The following MRPL33 variants were observed in gnomAD, a reference collection of about 807,000 sequenced individuals.
The protein encoded by MRPL33 is mitochondrial ribosomal protein L33.
In MRPL33, 5 loss-of-function variants were observed where a neutral mutation model predicts 10.1. The observed-to-expected ratio is 0.49, with a 90% CI of 0.26 to 1.04. MRPL33 has a LOEUF of 1.04. MRPL33 is among the 50% of genes least tolerant of loss of function. The pLI is 0.14. For synonymous variants in MRPL33, 24 were observed against 27.7 expected (o/e 0.87, Z 0.42); for missense variants, 79 against 78.1 (o/e 1.01, Z -0.04).
chr2:27,779,469 TA>T lies in MRPL33; in HGVS notation c.186del (p.Arg63AlafsTer14). The T allele has an allele frequency of 6.2e-7, 1 of 1,612,142 alleles. No individual in the cohort carries two copies. The highest frequency in any genetic ancestry group is 8.5e-7 in the Non-Finnish European group (1 of 1,179,482). ...GTCCTCTTCGTGGAAAAGAAAAAAA[TA>T]CGCTCCCTTTAAACGGTGGATTGAA... ...QRVLFVEKKK[I>X]RSL is the part of the protein sequence containing the mutation. On this transcript the variant is annotated frameshift_variant, in exon 4 of 4. Transcript: ENST00000296102. LOFTEE classifies it high-confidence loss of function.
chr2:27,777,267 A>G (rs1482544617), intron 3 of MRPL33, among the ~76,000 whole-genome samples: 1 of 151,402 alleles, frequency 6.6e-6, no homozygotes, highest in East Asian at 1.9e-4. Flanking sequence ...GCCTCTACTA[A>G]TCCTCCTACC....
In MRPL33 at chr2:27,771,856, AG is replaced by A; in HGVS notation, c.22+59del. The A allele has an allele frequency of 1.9e-6, 3 of 1,553,268 alleles. No homozygotes were observed. The South Asian group carries it at 3.4e-5, about 17-fold the overall frequency. On this transcript the variant is annotated intron_variant, in intron 1 of 3. Coordinates refer to ENST00000296102, the MANE Select transcript of MRPL33 (RefSeq NM_004891.4). The stretch of plus-strand genomic sequence containing the variant: ...ACGGCGAGGGTTAGGGGGCCGTGAC[AG>A]GCAGGGCCCCGGAATGATGCGGGGA...
intron 3 of MRPL33, 52 bp downstream of exon 3, chr2:27,774,582 C>A: frequency 7.3e-7 from 1 of 1,363,346 alleles, no homozygotes; most frequent in Non-Finnish European, 1.1e-6. Context: ...CCTTTGTAGG[C>A]TGAACATCTG....
At position 27,774,407 on chromosome 2, in the gene MRPL33, G is replaced by C. The variant is rs200575778; in HGVS notation, c.42-17G>C. The stretch of plus-strand genomic sequence containing the variant: ...ATTTCGTCAGCTCGTACATAACAGC[G>C]TACTTTTTAATCTTAGAAACATTCT... On this transcript the variant is annotated splice_polypyrimidine_tract_variant and intron_variant, in intron 2 of 3. Transcript: ENST00000296102. The C allele has an allele frequency of 6.2e-7, 1 of 1,605,266 alleles. No individual in the cohort carries two copies. The highest frequency in any genetic ancestry group is 2.2e-5 in the East Asian group (1 of 44,788).
chr2:27,772,027 C>A, intron 1 of MRPL33: 3 of 517,794 alleles, frequency 5.8e-6, no homozygotes, highest in South Asian at 5.4e-5. Flanking sequence ...GATTCAATTG[C>A]CGTCCTCACG....
chr2:27,774,333 C>G, intron 2 of MRPL33, 91 bp from the exon 3 acceptor site: 1 of 995,068 alleles, frequency 1.0e-6, no homozygotes, highest in Non-Finnish European at 1.6e-6. Context: ...CTAATATTAC[C>G]CTACAGAGTT....
intron 2 of MRPL33, 133 bp downstream of exon 2, chr2:27,772,825 T>A: frequency 4.4e-6 from 3 of 675,598 alleles, no homozygotes; most frequent in Admixed American, 3.4e-5. Context: ...TGTGGATTAC[T>A]TAGTTGATTA....
chr2:27,777,454 C>T (rs373966483), intron 3 of MRPL33, among the ~76,000 whole-genome samples: 9 of 150,728 alleles, frequency 6.0e-5, no homozygotes, highest in East Asian at 5.9e-4. Context: ...TCACCAATCC[C>T]TCTACTAAAC....
rs1245418779 is a variant in MRPL33 at position 27,774,539 on chromosome 2, T to G, written c.148+9T>G. ...GCATTATGATCCAGTTGGTAAGATC[T>G]GGGGAGGTTAATGCTTCCAAGGCCT... On this transcript the variant is annotated intron_variant, in intron 3 of 3. Transcript: ENST00000296102. 6.2e-7 allele frequency: 1 copy of G among 1,610,840 alleles called. No homozygotes were observed. Among genetic ancestry groups the G allele is most frequent in the Non-Finnish European group, 8.5e-7 (1 of 1,177,126 alleles).
intron 2 of MRPL33, among the ~76,000 whole-genome samples, chr2:27,774,044 G>A (rs960600570): frequency 6.6e-6 from 1 of 152,210 alleles, no homozygotes; most frequent in African/African-American, 2.4e-5. Flanking sequence ...AGAGAGGGCT[G>A]TTCTGAGACA....
chr2:27,771,883 A>G, intron 1 of MRPL33, 84 bp downstream of exon 1: 1 of 1,378,580 alleles, frequency 7.3e-7, no homozygotes, highest in Non-Finnish European at 1.0e-6. Flanking sequence ...GATGCGGGGA[A>G]GGATGTGCGA....
chr2:27,777,254 C>T (rs894184648), intron 3 of MRPL33, among the ~76,000 whole-genome samples: 3 of 152,042 alleles, frequency 2.0e-5, no homozygotes, highest in African/African-American at 7.2e-5. Context: ...TCTGGAACTC[C>T]TGGCCTCTAC....
chr2:27,777,205 G>GT (rs1043538128), intron 3 of MRPL33, among the ~76,000 whole-genome samples: 3 of 151,506 alleles, frequency 2.0e-5, no homozygotes, highest in Admixed American at 1.3e-4. Flanking sequence ...TAGGTTTTTG[G>GT]TTTTTTTTGT....
At position 27,779,476 on chromosome 2, in the gene MRPL33, C is replaced by A. The variant is rs1373499051; in HGVS notation, c.192C>A (p.Ser64=). The A allele has an allele frequency of 1.2e-6, 2 of 1,612,888 alleles. No homozygotes were observed. Among genetic ancestry groups the A allele is most frequent in the Non-Finnish European group, 1.7e-6 (2 of 1,179,664 alleles). The stretch of plus-strand genomic sequence containing the variant: ...TCGTGGAAAAGAAAAAAATACGCTC[C>A]CTTTAAACGGTGGATTGAAAATGAC... The part of the protein sequence containing the change: ...VLFVEKKKIR[S]L Residue 64 remains serine (S), a synonymous_variant, in exon 4 of 4, where the codon TCC becomes TCA. Transcript: ENST00000296102.
At chr2:27,772,028 C>T (rs750183663) in intron 1 of MRPL33, 6 of 515,746 alleles carry the variant, frequency 1.2e-5, no homozygotes, top group African/African-American at 2.0e-5. Flanking sequence ...ATTCAATTGC[C>T]GTCCTCACGG....
intron 2 of MRPL33, 165 bp downstream of exon 2, chr2:27,772,857 C>G: frequency 1.7e-6 from 1 of 602,746 alleles, no homozygotes; most frequent in East Asian, 3.0e-5. Context: ...TGAACTCTTT[C>G]AAAAATATTT....
In MRPL33 at chr2:27,779,481, A is replaced by G; in HGVS notation, c.197A>G (p.Ter66=). 6.2e-7 allele frequency: 1 copy of G among 1,613,682 alleles called. No individual in the cohort carries two copies. The highest frequency in any genetic ancestry group is 1.3e-5 in the African/African-American group (1 of 75,044). Residue 66 remains the stop codon, a stop_retained_variant, in exon 4 of 4, where the codon TAA becomes TGA. Transcript: ENST00000296102. ...FVEKKKIRSL[*] ...GAAAAGAAAAAAATACGCTCCCTTTAAACGGTGGATTGAAAATGACTTTGA... is the reference window on the plus strand; with the variant it reads ...GAAAAGAAAAAAATACGCTCCCTTTGAACGGTGGATTGAAAATGACTTTGA...
chr2:27,774,780 T>C (rs865966160), intron 3 of MRPL33, among the ~76,000 whole-genome samples: 2 of 152,186 alleles, frequency 1.3e-5, no homozygotes, highest in Admixed American at 6.5e-5. Context: ...TTATAAGTGC[T>C]GTGAGAGAAA....
At chr2:27,773,683 A>G (rs569439556) in intron 2 of MRPL33, among the ~76,000 whole-genome samples, 8 of 152,190 alleles carry the variant, frequency 5.3e-5, no homozygotes, top group Non-Finnish European at 1.2e-4. Context: ...TGTGTTGAAT[A>G]ATTATTGTCT....
Sources: allele counts gnomAD v4.1 joint callset (sites outside exome capture counted in the v4.1 genomes callset), GRCh38; gene constraint gnomAD v4.1.1; transcripts MANE v1.5; gene names NCBI Gene and HGNC (gene_info 2026-07-23, HGNC 2026-07-21).